The following SLTM variants were observed in gnomAD, a reference collection of about 807,000 sequenced individuals.
SLTM encodes SAFB like transcription modulator, also known as SAFB-like transcription modulator.
Under a neutral mutation model 134.6 loss-of-function variants are expected in SLTM, and 43 were observed. The observed-to-expected ratio is 0.32, with a 90% confidence interval of 0.25 to 0.41. The LOEUF (loss-of-function observed/expected upper bound fraction) is 0.41. Among genes scored for constraint, SLTM ranks in the 10% least tolerant of loss-of-function variants. The pLI, the probability that SLTM is intolerant of heterozygous loss-of-function variation, is 1.00. For missense variants in SLTM, 1,055 were observed against 1,288.8 expected, an observed-to-expected ratio of 0.82 and a Z score of 2.78; for synonymous variants, 424 against 432.3, an observed-to-expected ratio of 0.98 and a Z score of 0.24.
At chr15:58,911,414 A>T (rs1348204891) in intron 5 of SLTM, among the ~76,000 whole-genome samples, 2 of 152,260 alleles carry the variant, frequency 1.3e-5, no homozygotes, top group South Asian at 4.2e-4. Flanking sequence ...CCATATCTCT[A>T]TTTGAAAGTA....
chr15:58,914,225 G>C (rs2036477811), intron 3 of SLTM, among the ~76,000 whole-genome samples: 1 of 152,244 alleles, frequency 6.6e-6, no homozygotes, highest in Non-Finnish European at 1.5e-5. Flanking sequence ...CATAGGTTGG[G>C]ATTGGATCTG....
intron 2 of SLTM, among the ~76,000 whole-genome samples, chr15:58,920,855 T>G (rs2141183351): frequency 6.6e-6 from 1 of 151,928 alleles, no homozygotes; most frequent in Non-Finnish European, 1.5e-5. Context: ...CTCGGGAGGC[T>G]GAGGCAGAAT....
In SLTM at chr15:58,883,759, C is replaced by G. The variant is rs756112455; in HGVS notation, c.2863G>C (p.Glu955Gln). 36 of 1,613,958 alleles carry G rather than the reference C, an allele frequency of 2.2e-5. No individual in the cohort carries two copies. The Middle Eastern group carries it at 6.6e-4, about 29-fold the overall frequency. ...QHYPEERHVV[E>Q]RHGRDTSGPR... Reference sequence around the variant, plus strand: ...CCGCTTGTGTCCCGTCCATGGCGTTCAACCACATGTCGCTCCTCAGGATAG... The same window carrying G: ...CCGCTTGTGTCCCGTCCATGGCGTTGAACCACATGTCGCTCCTCAGGATAG... The change falls in exon 20 of 21, where the codon GAA (glutamate) becomes CAA (glutamine). Residue 955 changes from glutamate to glutamine, a missense_variant. Glu to Gln is a conservative substitution (Grantham distance 29). Around this residue, in one of 3 missense-constraint regions of SLTM, gnomAD observed 776 missense variants for 962.2 expected, o/e 0.81. Coordinates refer to ENST00000380516, the MANE Select transcript of SLTM (RefSeq NM_024755.4).
At chr15:58,927,724 G>A (rs1259769813) in intron 2 of SLTM, among the ~76,000 whole-genome samples, 3 of 152,194 alleles carry the variant, frequency 2.0e-5, no homozygotes, top group South Asian at 2.1e-4. Context: ...GGCCTTCAGA[G>A]CTTTCAGCCT....
Position 58,894,594 on chromosome 15 carries a change from G to C in SLTM, c.1228-12C>G. On this transcript the variant is annotated splice_polypyrimidine_tract_variant and intron_variant, in intron 9 of 20. Transcript: ENST00000380516. ...TTTGCACTCAGAACCTATAAAATCA[G>C]ACTGTACTTTAGAGAGTTTTACAAC... 6.2e-7 allele frequency: 1 copy of C among 1,613,540 alleles called. No individual in the cohort carries two copies. Among genetic ancestry groups the C allele is most frequent in the Non-Finnish European group, 8.5e-7 (1 of 1,179,710 alleles).
In SLTM at chr15:58,913,599, T is replaced by C. The variant is rs778680561; in HGVS notation, c.413A>G (p.His138Arg). Residue 138 changes from histidine to arginine, a missense_variant, in exon 4 of 21, where the codon CAT becomes CGT. Physicochemically the swap from His to Arg is conservative, Grantham distance 29. Transcript: ENST00000380516. ...EFGENEEENV[H>R]SKELLSAEEN... ...TTCTGCAGAGAGTAACTCCTTGGAA[T>C]GCACATTTTCTTCTTCATTTTCACC... 6.8e-6 allele frequency: 11 copies of C among 1,613,676 alleles called. No homozygotes were observed. In the South Asian group the frequency reaches 1.1e-4, roughly 16 times the overall value.
At chr15:58,927,330 C>T (rs992739083) in intron 2 of SLTM, among the ~76,000 whole-genome samples, 3 of 152,006 alleles carry the variant, frequency 2.0e-5, no homozygotes, top group African/African-American at 7.3e-5. Context: ...AGTGCAATGG[C>T]GCAATCTCAG....
At position 58,899,320 on chromosome 15, in the gene SLTM, A is replaced by G. The variant is rs189897155; in HGVS notation, c.1058+149T>C. The G allele has an allele frequency of 1.5e-6, 1 of 659,902 alleles. No homozygotes were observed. The highest frequency in any genetic ancestry group is 3.0e-5 in the Admixed American group (1 of 33,190). 40.9% of individuals were successfully genotyped at this position (659,902 alleles called of 1,614,324 possible). A position where few individuals can be genotyped will look rare whatever the true frequency, so the allele number is the denominator to read the frequency against. ...ATTATGAAGATCTTGAAAATTTTTAAAAGTAACTTATGACGGTCAAAAATA... is the reference window on the plus strand; with the variant it reads ...ATTATGAAGATCTTGAAAATTTTTAGAAGTAACTTATGACGGTCAAAAATA... On this transcript the variant is annotated intron_variant, in intron 7 of 20. Transcript: ENST00000380516. The surrounding 1 kb of genome is among the most constrained non-coding windows in gnomAD (Gnocchi z 5.0).
intron 2 of SLTM, among the ~76,000 whole-genome samples, chr15:58,919,968 A>G (rs1173982281): frequency 6.6e-6 from 1 of 152,184 alleles, no homozygotes; most frequent in Non-Finnish European, 1.5e-5. Flanking sequence ...ATATCTTATT[A>G]TGACCTGTAT....
At chr15:58,886,260 TGTGTGTA>T (rs1451821847) in intron 19 of SLTM, among the ~76,000 whole-genome samples, 8 of 143,056 alleles carry the variant, frequency 5.6e-5, no homozygotes, top group South Asian at 2.3e-4. Flanking sequence ...TGTGTGTGTG[TGTGTGTA>T]TTTTTTTTTT....
At chr15:58,919,010 G>A (rs1209746011) in intron 2 of SLTM, among the ~76,000 whole-genome samples, 1 of 151,930 alleles carries the variant, frequency 6.6e-6, no homozygotes, top group Non-Finnish European at 1.5e-5. Context: ...TGCCTCCCGA[G>A]TTCAAGCGAT....
intron 5 of SLTM, among the ~76,000 whole-genome samples, chr15:58,910,787 T>G (rs929500466): frequency 2.0e-5 from 3 of 147,780 alleles, no homozygotes; most frequent in Admixed American, 6.8e-5. Context: ...GTCTGTTGCC[T>G]AGGCTGGAGT....
chr15:58,887,569 C>T, intron 17 of SLTM, 29 bp from the exon 18 acceptor site: 1 of 1,575,084 alleles, frequency 6.3e-7, no homozygotes. Context: ...GAATATAGGT[C>T]CAAGAAGTGC....
At chr15:58,906,401 G>A (rs1413248878) in intron 5 of SLTM, among the ~76,000 whole-genome samples, 1 of 152,172 alleles carries the variant, frequency 6.6e-6, no homozygotes, top group African/African-American at 2.4e-5. Flanking sequence ...ACAGTGGGAT[G>A]TGCAATCCTT....
chr15:58,905,598 T>TTTTTTAAAAGAA (rs2035819192), intron 5 of SLTM, among the ~76,000 whole-genome samples: 1 of 152,050 alleles, frequency 6.6e-6, no homozygotes, highest in Non-Finnish European at 1.5e-5. Flanking sequence ...GCAGTTTGAC[T>TTTTTTAAAAGAA]CCCCTTATCT....
chr15:58,882,801 C>T (rs2033849318), intron 20 of SLTM, among the ~76,000 whole-genome samples: 1 of 152,152 alleles, frequency 6.6e-6, no homozygotes, highest in Admixed American at 6.5e-5. Flanking sequence ...GATGGGGAAG[C>T]TGAAGACCTG....
At chr15:58,898,895 AAAAC>A (rs778790878) in intron 7 of SLTM, 43 bp from the exon 8 acceptor site, 17 of 1,448,010 alleles carry the variant, frequency 1.2e-5, no homozygotes, top group African/African-American at 9.9e-5. Flanking sequence ...AACAAAAACA[AAAAC>A]AAACCCAAAA....
rs536143663 is a variant in SLTM at position 58,930,654 on chromosome 15, C to A, written c.250+1702G>T. On this transcript the variant is annotated intron_variant, in intron 2 of 20. Transcript: ENST00000380516. ...ACTTAAGCCCAGGAGTTTGAGGCTG[C>A]AAAGAGCTAGGCACCACTGCACTCT... 6.0e-3 allele frequency among the ~76,000 whole-genome samples: 904 copies of A among 151,258 alleles called. 6 individuals are homozygous for A. Among genetic ancestry groups the A allele is most frequent in the Middle Eastern group, 0.024 (7 of 290 alleles).
At chr15:58,889,350 G>T in intron 16 of SLTM, 80 bp downstream of exon 16, 1 of 1,556,972 alleles carries the variant, frequency 6.4e-7, no homozygotes. Flanking sequence ...ATGGGAGCCT[G>T]TACTTTCTAA....
Sources: gnomAD v4.1 joint callset for allele counts (sites outside exome capture counted in the v4.1 genomes callset) on GRCh38, gnomAD v4.1.1 for gene constraint, gnomAD v4.1.1 regional missense constraint, Gnocchi (gnomAD v3.1) non-coding constraint, MANE v1.5 for transcripts, NCBI Gene and HGNC (gene_info 2026-07-23, HGNC 2026-07-21) for gene names.